The following PIEZO2 variants were observed in gnomAD, a reference collection of about 807,000 sequenced individuals.
The protein encoded by PIEZO2 is piezo-type mechanosensitive ion channel component 2.
PIEZO2 carries 172 observed loss-of-function variants against 337.3 expected under a neutral mutation model. The ratio of observed to expected loss-of-function variants is 0.51; its 90% CI spans 0.45 to 0.58. The LOEUF is 0.58. Among genes scored for constraint, PIEZO2 ranks in the 20% least tolerant of loss-of-function variants. The pLI is 0.00. For missense variants in PIEZO2, 3,028 were observed against 3,391.3 expected, an observed-to-expected ratio of 0.89 and a Z score of 2.66; for synonymous variants, 1,251 against 1,228.5, an observed-to-expected ratio of 1.02 and a Z score of -0.38.
intron 1 of PIEZO2, among the ~76,000 whole-genome samples, chr18:11,093,249 C>T (rs957156983): frequency 6.6e-6 from 1 of 152,236 alleles, no homozygotes; most frequent in African/African-American, 2.4e-5. Flanking sequence ...GTGACCTATA[C>T]ACACCCCTCA....
intron 7 of PIEZO2, among the ~76,000 whole-genome samples, chr18:10,852,181 G>C (rs2041572387): frequency 6.6e-6 from 1 of 152,178 alleles, no homozygotes; most frequent in African/African-American, 2.4e-5. Context: ...ACTTCTGCCT[G>C]GAGTAAATAT....
At position 11,003,774 on chromosome 18, in the gene PIEZO2, A is replaced by T. The variant is rs2035626928; in HGVS notation, c.161-24114T>A. Among the ~76,000 whole-genome samples the T allele has an allele frequency of 6.6e-6, 1 of 152,142 alleles. No individual in the cohort carries two copies. The highest frequency in any genetic ancestry group is 1.5e-5 in the Non-Finnish European group (1 of 68,016). ...GGAGGAAACCAGAGTACCTAGAAAA[A>T]TCCCACACAGACCTGGGGAGAACAA... On this transcript the variant is annotated intron_variant, in intron 2 of 55. Coordinates refer to ENST00000674853, the MANE Select transcript of PIEZO2 (RefSeq NM_001378183.1). This position sits in a 1 kb window ranked among gnomAD's most constrained non-coding sequence, Gnocchi z 4.6.
intron 2 of PIEZO2, among the ~76,000 whole-genome samples, chr18:11,057,839 C>T (rs997453420): frequency 1.3e-5 from 2 of 152,242 alleles, no homozygotes; most frequent in African/African-American, 4.8e-5. Flanking sequence ...TTTTTAAAAA[C>T]AAAATTCTTT....
At chr18:10,889,562 G>C (rs2042699392) in intron 4 of PIEZO2, among the ~76,000 whole-genome samples, 1 of 152,166 alleles carries the variant, frequency 6.6e-6, no homozygotes. Flanking sequence ...CATAGGTGCT[G>C]GGTTGTTCTT....
rs79307842 is a variant in PIEZO2 at position 11,047,116 on chromosome 18, T to C, written c.160+19011A>G. On this transcript the variant is annotated intron_variant, in intron 2 of 55. Transcript: ENST00000674853. The surrounding 1 kb of genome is among the most constrained non-coding windows in gnomAD (Gnocchi z 7.2). ...ATGGGGGCATGTGCAGGGCATGGCCTGTCCAGGTACACTCAGGAGCCCCGT... is the reference window on the plus strand; with the variant it reads ...ATGGGGGCATGTGCAGGGCATGGCCCGTCCAGGTACACTCAGGAGCCCCGT... 9.8e-3 allele frequency among the ~76,000 whole-genome samples: 1,498 copies of C among 152,360 alleles called. 35 individuals are homozygous for C. Among genetic ancestry groups the C allele is most frequent in the African/African-American group, 0.034 (1,413 of 41,582 alleles).
intron 1 of PIEZO2, among the ~76,000 whole-genome samples, chr18:11,122,559 A>G (rs900874665): frequency 6.6e-6 from 1 of 152,262 alleles, no homozygotes; most frequent in Non-Finnish European, 1.5e-5. Flanking sequence ...GAAAACTAGT[A>G]GCAATAATGC....
At chr18:10,991,191 T>C (rs1054846789) in intron 2 of PIEZO2, among the ~76,000 whole-genome samples, 103 of 138,594 alleles carry the variant, frequency 7.4e-4, no homozygotes, top group Middle Eastern at 7.1e-3. Flanking sequence ...CACACACACA[T>C]ACATACATAT....
rs972561042 is a variant in PIEZO2, at chr18:10,781,839, G to A, written c.2493-1473C>T. Among the ~76,000 whole-genome samples the A allele has an allele frequency of 1.8e-4, 28 of 152,066 alleles. No homozygotes were observed. Among genetic ancestry groups the A allele is most frequent in the Non-Finnish European group, 3.8e-4 (26 of 67,994 alleles). ...ACAACAGTGTGGAAATCAGCTTAAC[G>A]AGCGAATCGGTTATTCCTGATCTGT... On this transcript the variant is annotated intron_variant, in intron 17 of 55. Coordinates refer to ENST00000674853, the MANE Select transcript of PIEZO2 (RefSeq NM_001378183.1). The surrounding 1 kb of genome is among the most constrained non-coding windows in gnomAD (Gnocchi z 4.1).
Position 11,146,234 on chromosome 18 carries a change from T to A in PIEZO2, c.64+2291A>T, listed in dbSNP as rs1012645678. 1.3e-5 allele frequency among the ~76,000 whole-genome samples: 2 copies of A among 152,168 alleles called. No homozygotes were observed. Among genetic ancestry groups the A allele is most frequent in the Non-Finnish European group, 2.9e-5 (2 of 68,026 alleles). Reference sequence around the variant, plus strand: ...CCCGAGGCAAGACGCAGTTTGCATGTTGGCCAAGGTTATTATCTTGTCGCC... The same window carrying A: ...CCCGAGGCAAGACGCAGTTTGCATGATGGCCAAGGTTATTATCTTGTCGCC... On this transcript the variant is annotated intron_variant, in intron 1 of 55. Coordinates refer to ENST00000674853, the MANE Select transcript of PIEZO2 (RefSeq NM_001378183.1). The surrounding 1 kb of genome is among the most constrained non-coding windows in gnomAD (Gnocchi z 6.1).
intron 10 of PIEZO2, 46 bp from the exon 11 acceptor site, chr18:10,800,521 GT>G (rs2039775330): frequency 6.7e-7 from 1 of 1,487,552 alleles, no homozygotes; most frequent in Non-Finnish European, 8.9e-7. Flanking sequence ...GCAGCTCTGG[GT>G]TTTCAATGCA....
intron 43 of PIEZO2, among the ~76,000 whole-genome samples, chr18:10,699,865 C>A (rs190914001): frequency 6.6e-6 from 1 of 152,276 alleles, no homozygotes; most frequent in East Asian, 1.9e-4. Flanking sequence ...TCTTTGGCCA[C>A]GCATTTGCTT....
At chr18:11,039,356 G>A (rs1339400783) in intron 2 of PIEZO2, among the ~76,000 whole-genome samples, 3 of 152,126 alleles carry the variant, frequency 2.0e-5, no homozygotes, top group Non-Finnish European at 4.4e-5. Context: ...AGAAAGGGCG[G>A]AAAAAAGCTA....
chr18:10,774,601 C>T (rs888310848), intron 18 of PIEZO2, among the ~76,000 whole-genome samples: 2 of 152,112 alleles, frequency 1.3e-5, no homozygotes, highest in African/African-American at 2.4e-5. Context: ...AGAGAGCTTC[C>T]GGTGAGCCCA....
chr18:10,822,905 AGCG>A (rs1480359778), intron 7 of PIEZO2, among the ~76,000 whole-genome samples: 17 of 152,362 alleles, frequency 1.1e-4, no homozygotes, highest in African/African-American at 3.8e-4. Context: ...CAGAAAAATC[AGCG>A]GCTCAACAAA....
intron 54 of PIEZO2, among the ~76,000 whole-genome samples, chr18:10,674,631 T>A (rs576482082): frequency 1.3e-5 from 2 of 152,244 alleles, no homozygotes; most frequent in Non-Finnish European, 2.9e-5. Context: ...AATGAATTAA[T>A]GTGTGCCAGA....
chr18:10,736,781 G>A (rs143849499), intron 33 of PIEZO2, 71 bp from the exon 34 acceptor site: 3 of 1,456,708 alleles, frequency 2.1e-6, no homozygotes, highest in Non-Finnish European at 2.8e-6. Flanking sequence ...TTAATGAAAT[G>A]TCCCCTAAAG....
intron 41 of PIEZO2, 36 bp from the exon 42 acceptor site, chr18:10,704,688 T>C (rs2143774533): frequency 6.6e-7 from 1 of 1,516,748 alleles, no homozygotes; most frequent in African/African-American, 1.4e-5. Flanking sequence ...ATGTCTATTT[T>C]TTTTCTTCTT....
In PIEZO2 at chr18:11,001,407, T is replaced by G. The variant is rs1451762125; in HGVS notation, c.161-21747A>C. On this transcript the variant is annotated intron_variant, in intron 2 of 55. Coordinates refer to ENST00000674853, the MANE Select transcript of PIEZO2 (RefSeq NM_001378183.1). The surrounding 1 kb of genome is among the most constrained non-coding windows in gnomAD (Gnocchi z 5.3). ...GCAAACCAGTCACCCTGAGGCACAG[T>G]GAGAGTGCAAGTTCTTTCTGCTGTC... Among the ~76,000 whole-genome samples, 1 of 152,008 alleles carries G rather than the reference T, an allele frequency of 6.6e-6. No individual in the cohort carries two copies. The highest frequency in any genetic ancestry group is 1.5e-5 in the Non-Finnish European group (1 of 68,010).
chr18:10,722,076 G>A (rs773296948), intron 36 of PIEZO2, among the ~76,000 whole-genome samples: 2 of 151,174 alleles, frequency 1.3e-5, no homozygotes, highest in East Asian at 1.9e-4. Flanking sequence ...GCTTGAACTC[G>A]GGAGACGGAG....
Sources: gnomAD v4.1 joint callset for allele counts (sites outside exome capture counted in the v4.1 genomes callset) on GRCh38, gnomAD v4.1.1 for gene constraint, Gnocchi (gnomAD v3.1) non-coding constraint, MANE v1.5 for transcripts, NCBI Gene and HGNC (gene_info 2026-07-23, HGNC 2026-07-21) for gene names.